ARHGAP35: variants seen among roughly 807,000 people sequenced by gnomAD.
The protein encoded by ARHGAP35 is rho GTPase-activating protein 35.
Under a neutral mutation model 111.1 loss-of-function variants are expected in ARHGAP35, and 15 were observed. The observed-to-expected ratio is 0.13, with a 90% CI of 0.09 to 0.21. The LOEUF (loss-of-function observed/expected upper bound fraction) is 0.21, where lower values mean the gene tolerates loss of function less well. ARHGAP35 is among the 10% of genes least tolerant of loss of function. ARHGAP35 has a pLI of 1.00. For missense variants in ARHGAP35, 1,262 were observed against 1,873.0 expected, an observed-to-expected ratio of 0.67 and a Z score of 6.02; for synonymous variants, 643 against 710.3, an observed-to-expected ratio of 0.91 and a Z score of 1.51.
At chr19:46,998,111 A>G (rs1388463347) in intron 5 of ARHGAP35, among the ~76,000 whole-genome samples, 1 of 152,074 alleles carries the variant, frequency 6.6e-6, no homozygotes, top group Non-Finnish European at 1.5e-5. Flanking sequence ...CAAAAAAAAA[A>G]AGAAAAAAGA....
chr19:46,877,895 A>G (rs2055934561), intron 1 of ARHGAP35, among the ~76,000 whole-genome samples: 1 of 151,766 alleles, frequency 6.6e-6, no homozygotes, highest in African/African-American at 2.4e-5. Flanking sequence ...TTTAGTAGAG[A>G]CGGGGTTTCA....
At chr19:46,953,223 TA>T (rs1295555344) in intron 3 of ARHGAP35, among the ~76,000 whole-genome samples, 3 of 152,080 alleles carry the variant, frequency 2.0e-5, no homozygotes, top group African/African-American at 7.2e-5. Context: ...AAGTAAAATG[TA>T]AAGAACCTTA....
intron 3 of ARHGAP35, among the ~76,000 whole-genome samples, chr19:46,979,957 A>G (rs2056612273): frequency 6.6e-6 from 1 of 152,150 alleles, no homozygotes; most frequent in African/African-American, 2.4e-5. Context: ...GGAAGGCAGC[A>G]GGGGGAGCTG....
chr19:46,894,448 T>G (rs550984522), intron 1 of ARHGAP35, among the ~76,000 whole-genome samples: 38 of 145,354 alleles, frequency 2.6e-4, no homozygotes, highest in South Asian at 1.5e-3. Context: ...TTTTTTGGTT[T>G]TTTTTTTTTT....
intron 3 of ARHGAP35, among the ~76,000 whole-genome samples, chr19:46,958,566 C>T (rs368385686): frequency 2.0e-4 from 30 of 152,280 alleles, no homozygotes; most frequent in African/African-American, 7.0e-4. Flanking sequence ...GCTTTTTCCT[C>T]AGACATCTGG....
chr19:46,901,190 G>A lies in ARHGAP35; in HGVS notation c.-188-17298G>A, dbSNP rs2056082035. Among the ~76,000 whole-genome samples the A allele has an allele frequency of 6.6e-6, 1 of 152,196 alleles. No homozygotes were observed. Among genetic ancestry groups the A allele is most frequent in the Non-Finnish European group, 1.5e-5 (1 of 68,032 alleles). ...GAGGGCATCCAGGGAACCCAAGGAA[G>A]GCTACAGTGGCTAGTGAGAAAAAGG... is the stretch of plus-strand genomic sequence containing the variant. On this transcript the variant is annotated intron_variant, in intron 1 of 6. Transcript: ENST00000672722. The surrounding 1 kb of genome is among the most constrained non-coding windows in gnomAD (Gnocchi z 4.5).
At chr19:46,968,391 A>G (rs940034862) in intron 3 of ARHGAP35, among the ~76,000 whole-genome samples, 1 of 152,176 alleles carries the variant, frequency 6.6e-6, no homozygotes, top group Non-Finnish European at 1.5e-5. Flanking sequence ...GGAGGGAAGA[A>G]AGCAAGGGAA....
intron 1 of ARHGAP35, among the ~76,000 whole-genome samples, chr19:46,903,285 A>G (rs1420360681): frequency 3.9e-5 from 6 of 152,318 alleles, no homozygotes; most frequent in Middle Eastern, 3.4e-3. Flanking sequence ...ATTTTAACAT[A>G]GTAAATGCCG....
At chr19:46,961,073 T>G (rs898790351) in intron 3 of ARHGAP35, among the ~76,000 whole-genome samples, 1 of 152,100 alleles carries the variant, frequency 6.6e-6, no homozygotes, top group Non-Finnish European at 1.5e-5. Context: ...TTTTGTATTT[T>G]TAGTAGAGAT....
chr19:46,873,160 C>T (rs961043925), intron 1 of ARHGAP35, among the ~76,000 whole-genome samples: 1 of 152,072 alleles, frequency 6.6e-6, no homozygotes. Flanking sequence ...GCTTTTTTAA[C>T]ACACTTTCCA....
intron 3 of ARHGAP35, among the ~76,000 whole-genome samples, chr19:46,976,034 C>T (rs374318042): frequency 3.5e-4 from 54 of 152,186 alleles, no homozygotes; most frequent in African/African-American, 1.1e-3. Flanking sequence ...GAGTAATTGC[C>T]GTATTTGCAC....
rs747977012 is a variant in ARHGAP35, at chr19:46,919,435, A to G, written c.760A>G (p.Thr254Ala). 2 of 1,613,920 alleles carry G rather than the reference A, an allele frequency of 1.2e-6. No individual in the cohort carries two copies. Among genetic ancestry groups the G allele is most frequent in the South Asian group, 2.2e-5 (2 of 91,090 alleles). ...ACTCATTGATAAAAGTCGGGGAAAGACAAAAATCATTCCTTATTTTGAAGC... is the reference window on the plus strand; with the variant it reads ...ACTCATTGATAAAAGTCGGGGAAAGGCAAAAATCATTCCTTATTTTGAAGC... ...VQLIDKSRGK[T>A]KIIPYFEALK... Residue 254 changes from threonine (T) to alanine (A), a missense_variant, in exon 2 of 7, where the codon ACA (threonine) becomes GCA (alanine). Thr to Ala is a moderately conservative substitution (Grantham distance 58). Transcript: ENST00000672722. The surrounding 1 kb of genome is among the most constrained non-coding windows in gnomAD (Gnocchi z 6.2).
intron 1 of ARHGAP35, among the ~76,000 whole-genome samples, chr19:46,887,359 A>G (rs957407754): frequency 6.6e-6 from 1 of 152,182 alleles, no homozygotes; most frequent in Non-Finnish European, 1.5e-5. Context: ...AAAAACTGGT[A>G]AAATCTGAAA....
At chr19:46,960,808 A>G (rs983776538) in intron 3 of ARHGAP35, among the ~76,000 whole-genome samples, 1 of 151,460 alleles carries the variant, frequency 6.6e-6, no homozygotes, top group African/African-American at 2.4e-5. Flanking sequence ...GCTTTTTCCC[A>G]CCTAAAAATG....
intron 3 of ARHGAP35, among the ~76,000 whole-genome samples, chr19:46,937,758 C>T (rs917506670): frequency 2.0e-5 from 3 of 152,210 alleles, no homozygotes; most frequent in African/African-American, 7.2e-5. Flanking sequence ...CTGTGAACTC[C>T]TTGAGGGTTG....
rs1171817776 is a variant in ARHGAP35 at position 46,918,145 on chromosome 19, G to GT, written c.-188-335dup. On this transcript the variant is annotated intron_variant, in intron 1 of 6. Coordinates refer to ENST00000672722, the MANE Select transcript of ARHGAP35 (RefSeq NM_004491.5). This position sits in a 1 kb window ranked among gnomAD's most constrained non-coding sequence, Gnocchi z 5.4. The stretch of plus-strand genomic sequence containing the variant: ...CTGTGTCCTTGTGAGATGCTCCATC[G>GT]TTTTTTTTCTTGCATAAAAAGATGT... Among the ~76,000 whole-genome samples, 2 of 151,920 alleles carry GT rather than the reference G, an allele frequency of 1.3e-5. No individual in the cohort carries two copies. Among genetic ancestry groups the GT allele is most frequent in the Non-Finnish European group, 2.9e-5 (2 of 67,980 alleles).
rs913667576 is a variant in ARHGAP35, at chr19:47,001,176, G to T, written c.*488G>T. 1 of 1,240,890 alleles carries T rather than the reference G, an allele frequency of 8.1e-7. No homozygotes were observed. The highest frequency in any genetic ancestry group is 1.0e-6 in the Non-Finnish European group (1 of 967,074). The allele number at this position is 1,240,890 out of a possible 1,614,324, so 76.9% of individuals were successfully genotyped here. A position where few individuals can be genotyped will look rare whatever the true frequency, so the allele number is the denominator to read the frequency against. On this transcript the variant is annotated 3_prime_UTR_variant, in exon 7 of 7. Coordinates refer to ENST00000672722, the MANE Select transcript of ARHGAP35 (RefSeq NM_004491.5). This position sits in a 1 kb window ranked among gnomAD's most constrained non-coding sequence, Gnocchi z 5.4. ...CACCCCCAAGGTAAGGGTACAGCCCGGCTGGCGGCCTCCTTGGGAACGTGT... is the reference window on the plus strand; with the variant it reads ...CACCCCCAAGGTAAGGGTACAGCCCTGCTGGCGGCCTCCTTGGGAACGTGT...
chr19:46,870,983 G>C (rs190215063), intron 1 of ARHGAP35, among the ~76,000 whole-genome samples: 2 of 152,190 alleles, frequency 1.3e-5, no homozygotes, highest in Admixed American at 1.3e-4. Context: ...TTCTTACTGA[G>C]CCGGAAATTA....
intron 1 of ARHGAP35, among the ~76,000 whole-genome samples, chr19:46,902,916 A>G (rs1265602154): frequency 1.3e-5 from 2 of 152,232 alleles, no homozygotes; most frequent in Admixed American, 1.3e-4. Context: ...TGATGTCCTC[A>G]GTGAAGAAAA....
Sources: allele counts gnomAD v4.1 joint callset (sites outside exome capture counted in the v4.1 genomes callset), GRCh38; gene constraint gnomAD v4.1.1; non-coding constraint Gnocchi (gnomAD v3.1); transcripts MANE v1.5; gene names NCBI Gene and HGNC (gene_info 2026-07-23, HGNC 2026-07-21).